Variants in GRID2 observed in about 807,000 individuals in gnomAD.
GRID2 encodes glutamate ionotropic receptor delta type subunit 2.
In GRID2, 33 loss-of-function variants were observed where a neutral mutation model predicts 114.8. The observed-to-expected ratio is 0.29, with a 90% confidence interval of 0.22 to 0.38. The LOEUF (loss-of-function observed/expected upper bound fraction) is 0.38, where lower values mean the gene tolerates loss of function less well. Ranked by LOEUF, GRID2 falls within the 10% of genes least tolerant of loss-of-function variation. The pLI is 1.00. For missense variants in GRID2, 1,184 were observed against 1,257.7 expected (o/e 0.94, Z 0.89); for synonymous variants, 505 against 449.9 (o/e 1.12, Z -1.55).
At chr4:93,183,417 T>A (rs1411898985) in intron 4 of GRID2, among the ~76,000 whole-genome samples, 1 of 152,198 alleles carries the variant, frequency 6.6e-6, no homozygotes, top group Non-Finnish European at 1.5e-5. Flanking sequence ...ATGATAGCAT[T>A]GACCCTCAAT....
At chr4:92,536,243 A>C (rs1725624686) in intron 1 of GRID2, among the ~76,000 whole-genome samples, 1 of 151,742 alleles carries the variant, frequency 6.6e-6, no homozygotes, top group Non-Finnish European at 1.5e-5. Flanking sequence ...CAATCCTTTA[A>C]CTAGACAGAA....
At chr4:92,569,629 G>A (rs1290526471) in intron 1 of GRID2, among the ~76,000 whole-genome samples, 1 of 151,990 alleles carries the variant, frequency 6.6e-6, no homozygotes, top group African/African-American at 2.4e-5. Flanking sequence ...AACCTTGCCA[G>A]CATCTGTTGT....
At chr4:92,540,698 C>G (rs969753868) in intron 1 of GRID2, among the ~76,000 whole-genome samples, 5 of 152,106 alleles carry the variant, frequency 3.3e-5, no homozygotes, top group Admixed American at 3.3e-4. Flanking sequence ...GTTGGTGGGA[C>G]TATAAACTAG....
chr4:93,692,932 A>C (rs567139770), intron 14 of GRID2, among the ~76,000 whole-genome samples: 1 of 152,274 alleles, frequency 6.6e-6, no homozygotes, highest in East Asian at 1.9e-4. Context: ...AATTTTTATG[A>C]TTGCCTACAA....
intron 14 of GRID2, among the ~76,000 whole-genome samples, chr4:93,631,851 A>G (rs533141196): frequency 1.1e-3 from 160 of 152,194 alleles, no homozygotes; most frequent in African/African-American, 3.5e-3. Flanking sequence ...AAGTGTTCCT[A>G]TTTCTCCACA....
chr4:92,702,373 T>C (rs1734720196), intron 2 of GRID2: 1 of 151,666 alleles, frequency 6.6e-6, no homozygotes, highest in Non-Finnish European at 1.5e-5. Context: ...CTACTACTTA[T>C]ATCTACTCTG....
chr4:92,717,913 C>T (rs1197792051), intron 2 of GRID2, among the ~76,000 whole-genome samples: 2 of 151,966 alleles, frequency 1.3e-5, no homozygotes, highest in African/African-American at 4.8e-5. Flanking sequence ...AGATAATTTA[C>T]AAAATATTAA....
intron 1 of GRID2, among the ~76,000 whole-genome samples, chr4:92,560,703 G>A (rs1034239778): frequency 4.0e-5 from 6 of 151,854 alleles, no homozygotes; most frequent in African/African-American, 7.3e-5. Flanking sequence ...CCTTCTACAT[G>A]GAACTAATTT....
intron 2 of GRID2, among the ~76,000 whole-genome samples, chr4:92,657,785 C>A (rs2149266728): frequency 1.3e-5 from 2 of 151,702 alleles, no homozygotes; most frequent in South Asian, 4.2e-4. Context: ...CATAATACAG[C>A]CTTTGATAAT....
intron 4 of GRID2, among the ~76,000 whole-genome samples, chr4:93,206,089 A>G: frequency 6.6e-6 from 1 of 152,060 alleles, no homozygotes; most frequent in Non-Finnish European, 1.5e-5. Flanking sequence ...AATAAAATTA[A>G]AAATGATAAT....
At chr4:93,797,842 GAAAAAAAAAA>G (rs10536515) in intron 1 of GRID2, among the ~76,000 whole-genome samples, 1 of 128,088 alleles carries the variant, frequency 7.8e-6, no homozygotes, top group Non-Finnish European at 1.6e-5. Context: ...TCCCCAGGAT[GAAAAAAAAAA>G]AAAAAAAAAG....
chr4:92,474,041 T>C (rs1722174818), intron 1 of GRID2, among the ~76,000 whole-genome samples: 1 of 151,132 alleles, frequency 6.6e-6, no homozygotes, highest in Non-Finnish European at 1.5e-5. Flanking sequence ...ACTTAAGGTC[T>C]ATTCTCTTAG....
chr4:93,670,888 G>A (rs1428998274), intron 14 of GRID2, among the ~76,000 whole-genome samples: 2 of 152,144 alleles, frequency 1.3e-5, no homozygotes, highest in African/African-American at 2.4e-5. Flanking sequence ...TGATTCTTTC[G>A]GGAAGACCAG....
intron 8 of GRID2, among the ~76,000 whole-genome samples, chr4:93,365,854 T>C (rs1762287811): frequency 6.6e-6 from 1 of 152,182 alleles, no homozygotes; most frequent in South Asian, 2.1e-4. Context: ...GAAGATTTCA[T>C]GGACATTTAT....
At chr4:93,050,216 A>C (rs1339735861) in intron 2 of GRID2, among the ~76,000 whole-genome samples, 1 of 152,114 alleles carries the variant, frequency 6.6e-6, no homozygotes, top group African/African-American at 2.4e-5. Flanking sequence ...TGGCATCTTC[A>C]TTTAATATTG....
At chr4:92,626,413 G>C (rs777270821) in intron 2 of GRID2, among the ~76,000 whole-genome samples, 1 of 151,978 alleles carries the variant, frequency 6.6e-6, no homozygotes, top group East Asian at 1.9e-4. Flanking sequence ...ATGCACAAAG[G>C]ACTATCAGTA....
At chr4:92,891,265 G>GA (rs199651458) in intron 2 of GRID2, among the ~76,000 whole-genome samples, 3 of 151,606 alleles carry the variant, frequency 2.0e-5, no homozygotes, top group Non-Finnish European at 1.5e-5. Context: ...CAAACTATAA[G>GA]AAAAAAAAGC....
At chr4:92,446,770 T>G (rs566324775) in intron 1 of GRID2, among the ~76,000 whole-genome samples, 2 of 152,364 alleles carry the variant, frequency 1.3e-5, no homozygotes, top group African/African-American at 4.8e-5. Context: ...ACACCTTGCA[T>G]AGATTGGTGG....
intron 1 of GRID2, among the ~76,000 whole-genome samples, chr4:92,402,403 C>CAG (rs1169511089): frequency 6.6e-6 from 1 of 152,116 alleles, no homozygotes; most frequent in Non-Finnish European, 1.5e-5. Flanking sequence ...CTACTTATGG[C>CAG]AGGTATCACC....
Sources: allele counts gnomAD v4.1 joint callset (sites outside exome capture counted in the v4.1 genomes callset), GRCh38; gene constraint gnomAD v4.1.1; transcripts MANE v1.5; gene names NCBI Gene and HGNC (gene_info 2026-07-23, HGNC 2026-07-21).